The following CTNND2 variants were observed in gnomAD, a reference collection of about 807,000 sequenced individuals.
The protein encoded by CTNND2 is catenin delta-2.
CTNND2 carries 22 observed loss-of-function variants against 144.4 expected under a neutral mutation model. That is an observed-to-expected ratio of 0.15 (90% CI 0.11 to 0.22). CTNND2 has a LOEUF of 0.22. Ranked by LOEUF, CTNND2 falls within the 10% of genes least tolerant of loss-of-function variation. The probability of loss-of-function intolerance (pLI) is 1.00; values close to 1 mark genes in which losing one functional copy is unlikely to be tolerated. For missense variants in CTNND2, 1,353 were observed against 1,618.8 expected (o/e 0.84, Z 2.82); for synonymous variants, 751 against 695.6 (o/e 1.08, Z -1.25).
chr5:11,271,922 C>T (rs928857263), intron 9 of CTNND2, among the ~76,000 whole-genome samples: 1 of 151,672 alleles, frequency 6.6e-6, no homozygotes, highest in Non-Finnish European at 1.5e-5. Flanking sequence ...GCTACAATTC[C>T]CAAACTGTTT....
At chr5:11,498,532 A>T (rs1408766575) in intron 3 of CTNND2, among the ~76,000 whole-genome samples, 1 of 152,148 alleles carries the variant, frequency 6.6e-6, no homozygotes, top group Non-Finnish European at 1.5e-5. Context: ...CACTTACAAC[A>T]ATGTAGGGTA....
intron 5 of CTNND2, among the ~76,000 whole-genome samples, chr5:11,401,481 T>C (rs563448952): frequency 2.6e-5 from 4 of 152,324 alleles, no homozygotes; most frequent in South Asian, 2.1e-4. Context: ...TGAACGTGTG[T>C]TGAAAAAAAT....
In CTNND2 at chr5:11,147,451, G is replaced by C. The variant is rs181233010; in HGVS notation, c.2159+12125C>G. ...GTATAGAACAACGGAAAAGAGGCTA[G>C]TATTGCAAACATGGTGAATGAAGAG... On this transcript the variant is annotated intron_variant, in intron 12 of 21. Transcript: ENST00000304623. Among the ~76,000 whole-genome samples the C allele has an allele frequency of 2.0e-5, 3 of 152,296 alleles. 1 individual carries two copies. Among genetic ancestry groups the C allele is most frequent in the East Asian group, 1.9e-4 (1 of 5,178 alleles).
At chr5:11,510,704 G>A (rs1277467888) in intron 3 of CTNND2, among the ~76,000 whole-genome samples, 1 of 152,182 alleles carries the variant, frequency 6.6e-6, no homozygotes, top group Non-Finnish European at 1.5e-5. Context: ...GCCAAGGCGG[G>A]CGGATCACTT....
intron 20 of CTNND2, among the ~76,000 whole-genome samples, chr5:10,985,962 T>C (rs1737886577): frequency 6.6e-6 from 1 of 152,302 alleles, no homozygotes; most frequent in East Asian, 1.9e-4. Context: ...ACCACCACCA[T>C]CATTGTTGTG....
At chr5:11,574,019 A>G (rs1777776555) in intron 2 of CTNND2, among the ~76,000 whole-genome samples, 1 of 152,174 alleles carries the variant, frequency 6.6e-6, no homozygotes, top group Non-Finnish European at 1.5e-5. Context: ...ATTAGTAGCA[A>G]TATTATATGG....
chr5:11,641,602 ATATACATATACGTGTGTG>A (rs1581652487), intron 2 of CTNND2, among the ~76,000 whole-genome samples: 9 of 140,404 alleles, frequency 6.4e-5, no homozygotes, highest in South Asian at 4.2e-4. Flanking sequence ...ACGTGTGTGT[ATATACATATACGTGTGTG>A]TATACATATA....
chr5:11,408,541 C>G (rs1373114132), intron 5 of CTNND2, among the ~76,000 whole-genome samples: 1 of 151,896 alleles, frequency 6.6e-6, no homozygotes, highest in African/African-American at 2.4e-5. Context: ...TGTTTCTTTT[C>G]CTTTCTTCAA....
intron 12 of CTNND2, among the ~76,000 whole-genome samples, chr5:11,147,000 C>A (rs1344283334): frequency 6.6e-6 from 1 of 152,122 alleles, no homozygotes; most frequent in Non-Finnish European, 1.5e-5. Flanking sequence ...TAGTACAGGA[C>A]AGTTATTAGG....
At chr5:11,088,525 C>T (rs1750417203) in intron 15 of CTNND2, among the ~76,000 whole-genome samples, 1 of 152,056 alleles carries the variant, frequency 6.6e-6, no homozygotes, top group Non-Finnish European at 1.5e-5. Flanking sequence ...TCTCTTTAAA[C>T]ATAGTGCCTC....
Position 11,554,642 on chromosome 5 carries a change from C to T in CTNND2, c.287+10302G>A, listed in dbSNP as rs138471948. Among the ~76,000 whole-genome samples the T allele has an allele frequency of 2.9e-3, 447 of 152,188 alleles. 2 individuals are homozygous for T. Among genetic ancestry groups the T allele is most frequent in the African/African-American group, 0.01 (430 of 41,540 alleles). ...GCCTAGGGAAACTGCTCAATAAACT[C>T]TGCAATTATTATTATTAAAATTATT... is the stretch of plus-strand genomic sequence containing the variant. On this transcript the variant is annotated intron_variant, in intron 3 of 21. Coordinates refer to ENST00000304623, the MANE Select transcript of CTNND2 (RefSeq NM_001332.4).
Position 11,023,039 on chromosome 5 carries a change from G to A in CTNND2, c.2789-60C>T. 2.0e-6 allele frequency: 3 copies of A among 1,480,344 alleles called. No individual in the cohort carries two copies. The South Asian group carries it at 3.4e-5, about 17-fold the overall frequency. The allele number at this position is 1,480,344 out of a possible 1,614,324, so 91.7% of individuals were successfully genotyped here. A position where few individuals can be genotyped will look rare whatever the true frequency, so the allele number is the denominator to read the frequency against. ...GGTCAAGGTGAAGGCAGAGATAGTG[G>A]CAGAGGTGGGTATGGGGGAGAAGAG... On this transcript the variant is annotated intron_variant, in intron 16 of 21. Transcript: ENST00000304623.
In CTNND2 at chr5:11,732,228, T is replaced by C; in HGVS notation, c.82A>G (p.Thr28Ala). Residue 28 changes from threonine (T) to alanine (A), a missense_variant, in exon 2 of 22, where the codon ACG (threonine) becomes GCG (alanine). Around this residue, in one of 4 missense-constraint regions of CTNND2, gnomAD observed 708 missense variants for 706.4 expected, o/e 1.00. Transcript: ENST00000304623. ...TTTAAGCCGGGGCTCAGGGAACTCG[T>C]CTTCTCTGAGGCTGATGAAGGCTGG... ...PDQPSSASEKTSSLSPGLNTS... is the reference protein window; with the variant it reads ...PDQPSSASEKASSLSPGLNTS... 6.2e-7 allele frequency: 1 copy of C among 1,613,964 alleles called. No homozygotes were observed. The highest frequency in any genetic ancestry group is 8.5e-7 in the Non-Finnish European group (1 of 1,179,878).
chr5:11,168,757 T>C (rs1399679816), intron 11 of CTNND2, among the ~76,000 whole-genome samples: 1 of 152,120 alleles, frequency 6.6e-6, no homozygotes, highest in African/African-American at 2.4e-5. Flanking sequence ...CTGAATTACA[T>C]ACATTAAATA....
intron 10 of CTNND2, among the ~76,000 whole-genome samples, chr5:11,224,320 G>C (rs148212527): frequency 6.6e-6 from 1 of 151,938 alleles, no homozygotes; most frequent in African/African-American, 2.4e-5. Flanking sequence ...AAATATATTG[G>C]CCTCTGGCTG....
At chr5:11,542,792 A>C (rs1161607151) in intron 3 of CTNND2, among the ~76,000 whole-genome samples, 1 of 152,212 alleles carries the variant, frequency 6.6e-6, no homozygotes, top group Non-Finnish European at 1.5e-5. Flanking sequence ...AGCCTTGATA[A>C]AGTATCACCC....
intron 3 of CTNND2, among the ~76,000 whole-genome samples, chr5:11,528,161 C>T (rs1773432403): frequency 6.6e-6 from 1 of 152,160 alleles, no homozygotes; most frequent in Non-Finnish European, 1.5e-5. Context: ...AAAGAATGAA[C>T]ATATTGTTAC....
chr5:11,564,810 G>C, intron 3 of CTNND2, 134 bp downstream of exon 3: 1 of 615,714 alleles, frequency 1.6e-6, no homozygotes, highest in Non-Finnish European at 3.0e-6. Flanking sequence ...TCTTAAATCA[G>C]GTCAGTTACA....
At chr5:11,724,291 T>TG (rs967798045) in intron 2 of CTNND2, among the ~76,000 whole-genome samples, 3 of 152,002 alleles carry the variant, frequency 2.0e-5, no homozygotes, top group East Asian at 3.9e-4. Flanking sequence ...GCCGTGTTCT[T>TG]GGGGGGCATT....
Sources: gnomAD v4.1 joint callset for allele counts (sites outside exome capture counted in the v4.1 genomes callset) on GRCh38, gnomAD v4.1.1 for gene constraint, gnomAD v4.1.1 regional missense constraint, MANE v1.5 for transcripts, NCBI Gene and HGNC (gene_info 2026-07-23, HGNC 2026-07-21) for gene names.